The following PPP2R2B variants were observed in gnomAD, a reference collection of about 807,000 sequenced individuals.
The protein encoded by PPP2R2B is serine/threonine-protein phosphatase 2A 55 kDa regulatory subunit B beta isoform.
Under a neutral mutation model 46.0 loss-of-function variants are expected in PPP2R2B, and 5 were observed. The ratio of observed to expected loss-of-function variants is 0.11; its 90% CI spans 0.06 to 0.23. The LOEUF is 0.23. Among genes scored for constraint, PPP2R2B ranks in the 10% least tolerant of loss-of-function variants. PPP2R2B has a pLI of 1.00. For missense variants in PPP2R2B, 367 were observed against 575.0 expected, an observed-to-expected ratio of 0.64 and a Z score of 3.70; for synonymous variants, 215 against 206.7, an observed-to-expected ratio of 1.04 and a Z score of -0.34.
chr5:146,714,468 A>G (rs1378327400), intron 2 of PPP2R2B, among the ~76,000 whole-genome samples: 1 of 152,162 alleles, frequency 6.6e-6, no homozygotes, highest in African/African-American at 2.4e-5. Context: ...TAGAAATAAC[A>G]GCATGTTTAT....
At chr5:146,846,354 G>A (rs575903400) in intron 2 of PPP2R2B, among the ~76,000 whole-genome samples, 1 of 150,664 alleles carries the variant, frequency 6.6e-6, no homozygotes, top group Non-Finnish European at 1.5e-5. Context: ...ACTCCAGCCT[G>A]GGCGACAGAG....
At chr5:147,064,532 A>G (rs545974994) in intron 2 of PPP2R2B, among the ~76,000 whole-genome samples, 44 of 152,348 alleles carry the variant, frequency 2.9e-4, no homozygotes, top group African/African-American at 9.1e-4. Context: ...GTGATAATGG[A>G]CACATTAATT....
chr5:146,755,120 G>A (rs993033621), intron 2 of PPP2R2B, among the ~76,000 whole-genome samples: 3 of 152,202 alleles, frequency 2.0e-5, no homozygotes, highest in Admixed American at 6.5e-5. Flanking sequence ...GGTTTGGCAG[G>A]AGATGTGCCA....
At chr5:146,855,736 A>G (rs1266740012) in intron 2 of PPP2R2B, among the ~76,000 whole-genome samples, 4 of 152,140 alleles carry the variant, frequency 2.6e-5, no homozygotes, top group Admixed American at 2.6e-4. Flanking sequence ...TTAAATCAAA[A>G]TACAGTTCTT....
intron 7 of PPP2R2B, among the ~76,000 whole-genome samples, chr5:146,628,619 A>G (rs189739528): frequency 4.2e-4 from 64 of 152,330 alleles, no homozygotes; most frequent in African/African-American, 1.4e-3. Context: ...GCAGGTGAGG[A>G]AGAAGGAAGG....
chr5:146,831,090 T>C (rs1330201000), intron 2 of PPP2R2B, among the ~76,000 whole-genome samples: 1 of 152,180 alleles, frequency 6.6e-6, no homozygotes, highest in African/African-American at 2.4e-5. Context: ...CAGTATGTGA[T>C]ACTCAATCAT....
At chr5:147,031,264 T>C (rs929799803) in intron 1 of PPP2R2B, among the ~76,000 whole-genome samples, 43 of 152,274 alleles carry the variant, frequency 2.8e-4, no homozygotes, top group African/African-American at 1.0e-3. Flanking sequence ...TTTGCTTTTA[T>C]CTTAAGGGTT....
At chr5:147,041,363 A>G (rs1489447939) in intron 1 of PPP2R2B, among the ~76,000 whole-genome samples, 1 of 152,144 alleles carries the variant, frequency 6.6e-6, no homozygotes, top group Admixed American at 6.5e-5. Context: ...TTCTGAGTTC[A>G]CCTGTAAGAC....
intron 2 of PPP2R2B, among the ~76,000 whole-genome samples, chr5:147,063,968 C>A (rs1027613780): frequency 6.6e-6 from 1 of 152,174 alleles, no homozygotes; most frequent in Admixed American, 6.5e-5. Flanking sequence ...AATAGTAAAT[C>A]TTTTAGGAGG....
In PPP2R2B at chr5:146,653,342, A is replaced by G. The variant is rs117471635; in HGVS notation, c.448-2618T>C. Among the ~76,000 whole-genome samples, 193 of 152,296 alleles carry G rather than the reference A, an allele frequency of 1.3e-3. 2 individuals carry two copies. In the East Asian group the frequency reaches 0.029, roughly 23 times the overall value. ...TACTGGTAGTTATAATGGTAGTGGT[A>G]TTCATAGTAGTGTGGTAGTTAAGAA... On this transcript the variant is annotated intron_variant, in intron 5 of 9. Coordinates refer to ENST00000394411, the MANE Select transcript of PPP2R2B (RefSeq NM_181675.4).
At chr5:146,715,958 C>T (rs1780473892) in intron 2 of PPP2R2B, among the ~76,000 whole-genome samples, 1 of 152,178 alleles carries the variant, frequency 6.6e-6, no homozygotes, top group African/African-American at 2.4e-5. Flanking sequence ...ACTCCTCAGA[C>T]TCTCAAAGCA....
At position 146,785,373 on chromosome 5, in the gene PPP2R2B, G is replaced by A. The variant is rs186743871; in HGVS notation, c.71-84231C>T. ...ACCAGCTTGGGCAACATAGTGAAAC[G>A]CTGTCTCTACAAAAAAATACAAAAA... On this transcript the variant is annotated intron_variant, in intron 2 of 9. Transcript: ENST00000394411. Among the ~76,000 whole-genome samples, 9 of 152,022 alleles carry A rather than the reference G, an allele frequency of 5.9e-5. No individual in the cohort carries two copies. The East Asian group carries it at 1.4e-3, about 23-fold the overall frequency.
intron 2 of PPP2R2B, among the ~76,000 whole-genome samples, chr5:146,875,406 A>C (rs772295096): frequency 6.6e-6 from 1 of 152,178 alleles, no homozygotes; most frequent in Non-Finnish European, 1.5e-5. Context: ...AGAGAGAAAG[A>C]GACTGAGAGA....
In PPP2R2B at chr5:146,776,906, T is replaced by G. The variant is rs190084996; in HGVS notation, c.71-75764A>C. Among the ~76,000 whole-genome samples the G allele has an allele frequency of 5.3e-5, 8 of 152,234 alleles. No individual in the cohort carries two copies. In the East Asian group the frequency reaches 1.5e-3, roughly 29 times the overall value. ...TATGTACATGAAAAGATGCTCAACA[T>G]TATTAATTATTAGGAAAATGCAAAA... On this transcript the variant is annotated intron_variant, in intron 2 of 9. Transcript: ENST00000394411.
chr5:146,645,165 G>C (rs1232609358), intron 6 of PPP2R2B, among the ~76,000 whole-genome samples: 1 of 152,218 alleles, frequency 6.6e-6, no homozygotes, highest in Non-Finnish European at 1.5e-5. Context: ...GTATTTGTTT[G>C]ATGAGTGTGA....
At chr5:146,882,955 T>C (rs984288763), upstream of PPP2R2B, among the ~76,000 whole-genome samples, 1 of 152,206 alleles carries the variant, frequency 6.6e-6, no homozygotes, top group Non-Finnish European at 1.5e-5. Context: ...ACCCTTGTCA[T>C]GGTCCCCTCC....
intron 1 of PPP2R2B, among the ~76,000 whole-genome samples, chr5:146,928,212 GTGATTTCATCGATTTTCA>G (rs376831970): frequency 0.013 from 1,938 of 151,926 alleles, 13 homozygotes; most frequent in Non-Finnish European, 0.02. Context: ...TATTCCTTTG[GTGATTTCATCGATTTTCA>G]TGATTTTAAA....
chr5:146,626,869 A>G (rs1261475170), intron 7 of PPP2R2B, among the ~76,000 whole-genome samples: 1 of 152,264 alleles, frequency 6.6e-6, no homozygotes, highest in Non-Finnish European at 1.5e-5. Flanking sequence ...TCCAAAATTA[A>G]TAAGCCTTCT....
chr5:147,032,014 G>A (rs1478860407), intron 1 of PPP2R2B, among the ~76,000 whole-genome samples: 2 of 152,144 alleles, frequency 1.3e-5, no homozygotes, highest in Non-Finnish European at 2.9e-5. Flanking sequence ...AGAACTCAAA[G>A]CAAATGCAAT....
Sources: allele counts gnomAD v4.1 joint callset (sites outside exome capture counted in the v4.1 genomes callset), GRCh38; gene constraint gnomAD v4.1.1; transcripts MANE v1.5; gene names NCBI Gene and HGNC (gene_info 2026-07-23, HGNC 2026-07-21).